Variants in TEX11 observed in about 807,000 individuals in gnomAD.
The protein encoded by TEX11 is testis expressed 11.
A neutral mutation model predicts 84.4 loss-of-function variants in TEX11; 7 were observed. The ratio of observed to expected loss-of-function variants is 0.08; its 90% CI spans 0.05 to 0.16. The LOEUF is 0.16. Among genes scored for constraint, TEX11 ranks in the 10% least tolerant of loss-of-function variants. The pLI is 1.00. For synonymous variants in TEX11, 264 were observed against 222.8 expected, an observed-to-expected ratio of 1.18 and a Z score of -1.64; for missense variants, 551 against 660.5, an observed-to-expected ratio of 0.83 and a Z score of 1.82.
At chrX:70,624,154 A>T (rs1443953098) in intron 19 of TEX11, 148 bp from the exon 20 acceptor site, 4 of 303,010 alleles carry the variant, frequency 1.3e-5, no homozygotes, top group Non-Finnish European at 2.3e-5. Context: ...TATTTAATTT[A>T]TATATATTTT....
chrX:70,891,671 A>G (rs2091738831), intron 2 of TEX11, among the ~76,000 whole-genome samples: 1 of 111,179 alleles, frequency 9.0e-6, no homozygotes, highest in East Asian at 2.8e-4. Flanking sequence ...AGCAAGAAAA[A>G]AAGGTTAGAG....
chrX:70,561,302 T>A (rs764896035), intron 25 of TEX11, among the ~76,000 whole-genome samples: 30 of 109,046 alleles, frequency 2.8e-4, no homozygotes, highest in African/African-American at 9.3e-4. Flanking sequence ...ATTTTAAAGG[T>A]CACTTTCCAA....
intron 9 of TEX11, among the ~76,000 whole-genome samples, chrX:70,804,971 C>CTTTT (rs748863855): frequency 8.8e-5 from 6 of 68,192 alleles, no homozygotes; most frequent in Admixed American, 1.6e-4. Context: ...CACCAGCATC[C>CTTTT]TTTTTTTTTT....
the TEX11 span, among the ~76,000 whole-genome samples, chrX:70,522,075 G>T: frequency 9.0e-6 from 1 of 111,585 alleles, no homozygotes; most frequent in Non-Finnish European, 1.9e-5. Flanking sequence ...GCCCAGGCTG[G>T]TCTTGAACTC....
intron 25 of TEX11, among the ~76,000 whole-genome samples, chrX:70,556,192 C>T (rs73216772): frequency 4.5e-5 from 5 of 110,419 alleles, no homozygotes; most frequent in Non-Finnish European, 9.5e-5. Context: ...TTTCTAGTTT[C>T]TTAAGGTGGA....
At chrX:70,850,590 A>G (rs2147850661) in intron 7 of TEX11, among the ~76,000 whole-genome samples, 1 of 110,062 alleles carries the variant, frequency 9.1e-6, no homozygotes. Context: ...AAAAAAAAAA[A>G]AAAATGTTTA....
intron 11 of TEX11, among the ~76,000 whole-genome samples, chrX:70,729,889 A>G (rs2090631423): frequency 8.9e-6 from 1 of 112,079 alleles, no homozygotes; most frequent in Non-Finnish European, 1.9e-5. Context: ...GAAGGAAAAA[A>G]TGTTACGGGC....
intron 20 of TEX11, among the ~76,000 whole-genome samples, chrX:70,614,540 G>T (rs1425687547): frequency 1.8e-5 from 2 of 112,012 alleles, no homozygotes; most frequent in African/African-American, 6.5e-5. Flanking sequence ...GCCGTCCCTG[G>T]CTCCTGGACA....
chrX:70,778,829 A>G (rs1195317282), intron 9 of TEX11, among the ~76,000 whole-genome samples: 1 of 111,246 alleles, frequency 9.0e-6, no homozygotes, highest in Non-Finnish European at 1.9e-5. Flanking sequence ...GAAATCAATA[A>G]CAGGAAGAAT....
At chrX:70,732,765 T>C (rs896714148) in intron 11 of TEX11, among the ~76,000 whole-genome samples, 3 of 111,549 alleles carry the variant, frequency 2.7e-5, no homozygotes, top group African/African-American at 9.8e-5. Flanking sequence ...CCCATCAAGC[T>C]ACCAATGACT....
intron 28 of TEX11, among the ~76,000 whole-genome samples, chrX:70,547,351 C>G (rs898407997): frequency 9.0e-6 from 1 of 111,017 alleles, no homozygotes; most frequent in Admixed American, 9.7e-5. Flanking sequence ...ACCAATCATC[C>G]TCTCTGCAGG....
intron 13 of TEX11, among the ~76,000 whole-genome samples, chrX:70,695,043 T>C (rs2090268440): frequency 9.0e-6 from 1 of 111,710 alleles, no homozygotes; most frequent in Non-Finnish European, 1.9e-5. Context: ...GAGAACAAAT[T>C]TAAACATGAA....
intron 7 of TEX11, among the ~76,000 whole-genome samples, chrX:70,843,975 G>A (rs2091463246): frequency 9.0e-6 from 1 of 111,167 alleles, no homozygotes; most frequent in Non-Finnish European, 1.9e-5. Context: ...GTGCTGGAGA[G>A]GATGTGGAGA....
At chrX:70,594,995 A>G (rs887063031) in intron 24 of TEX11, among the ~76,000 whole-genome samples, 2 of 111,658 alleles carry the variant, frequency 1.8e-5, no homozygotes, top group Non-Finnish European at 3.8e-5. Flanking sequence ...CCATATAGTA[A>G]CTCTAATCTA....
At chrX:70,882,982 C>T (rs1298807656) in intron 2 of TEX11, among the ~76,000 whole-genome samples, 5 of 111,513 alleles carry the variant, frequency 4.5e-5, no homozygotes, top group East Asian at 2.8e-4. Flanking sequence ...GCAATTTCAC[C>T]GACACCAGCT....
intron 13 of TEX11, among the ~76,000 whole-genome samples, chrX:70,709,953 A>G (rs1365367286): frequency 9.0e-6 from 1 of 110,877 alleles, no homozygotes; most frequent in Non-Finnish European, 1.9e-5. Flanking sequence ...GATCTCCCAC[A>G]TTCTTGTTCT....
chrX:70,764,769 A>C (rs1384999900), intron 9 of TEX11, among the ~76,000 whole-genome samples: 2 of 111,728 alleles, frequency 1.8e-5, no homozygotes, highest in Non-Finnish European at 3.8e-5. Context: ...CCAAGTTTGA[A>C]GCATAAAGAA....
At chrX:70,693,849 T>C (rs189270257) in intron 13 of TEX11, among the ~76,000 whole-genome samples, 427 of 111,963 alleles carry the variant, frequency 3.8e-3, no homozygotes, top group Non-Finnish European at 6.2e-3. Context: ...CATTTCACAA[T>C]GTATGCATAT....
Position 70,676,800 on chromosome X carries a change from A to G in TEX11, c.1242+2004T>C, listed in dbSNP as rs528479774. Among the ~76,000 whole-genome samples the G allele has an allele frequency of 6.3e-5, 7 of 111,633 alleles. No individual in the cohort carries two copies. In the South Asian group the frequency reaches 1.1e-3, roughly 18 times the overall value. The stretch of plus-strand genomic sequence containing the variant: ...TTTTTCCCTGTGTATTTCATTTTCA[A>G]TAGCTTCTTTGCTATAACTTCAAAT... On this transcript the variant is annotated intron_variant, in intron 15 of 29. Transcript: ENST00000374333.
Sources: allele counts gnomAD v4.1 joint callset (sites outside exome capture counted in the v4.1 genomes callset), GRCh38; gene constraint gnomAD v4.1.1; transcripts MANE v1.5; gene names NCBI Gene and HGNC (gene_info 2026-07-23, HGNC 2026-07-21).